KIF5C: variants seen among roughly 807,000 people sequenced by gnomAD.
KIF5C encodes the protein kinesin family member 5C.
In KIF5C, 18 loss-of-function variants were observed where a neutral mutation model predicts 125.2. That is an observed-to-expected ratio of 0.14 (90% CI 0.10 to 0.21). The LOEUF is 0.21. Ranked by LOEUF, KIF5C falls within the 10% of genes least tolerant of loss-of-function variation. KIF5C has a pLI of 1.00. For missense variants in KIF5C, 780 were observed against 1,183.8 expected, an observed-to-expected ratio of 0.66 and a Z score of 5.01; for synonymous variants, 405 against 434.0, an observed-to-expected ratio of 0.93 and a Z score of 0.83.
At chr2:148,995,429 C>T (rs967225740) in intron 17 of KIF5C, among the ~76,000 whole-genome samples, 2 of 152,150 alleles carry the variant, frequency 1.3e-5, no homozygotes, top group Non-Finnish European at 2.9e-5. Context: ...GGAAGTGCCT[C>T]GCACATAGGA....
chr2:148,906,566 T>TA (rs1180954739), intron 1 of KIF5C, among the ~76,000 whole-genome samples: 10 of 150,270 alleles, frequency 6.7e-5, no homozygotes, highest in South Asian at 2.1e-4. Flanking sequence ...AAAAATAAAA[T>TA]AAAATAAAAA....
At chr2:148,942,533 A>G in intron 6 of KIF5C, 140 bp from the exon 7 acceptor site, 2 of 1,402,752 alleles carry the variant, frequency 1.4e-6, no homozygotes, top group Admixed American at 4.3e-5. Flanking sequence ...CTGGGCAAGG[A>G]GGAAAAGTTG....
chr2:149,008,511 G>A (rs1682079388), intron 23 of KIF5C, among the ~76,000 whole-genome samples: 1 of 152,124 alleles, frequency 6.6e-6, no homozygotes, highest in South Asian at 2.1e-4. Context: ...TTGCACCGTG[G>A]GAGGACCGGG....
intron 1 of KIF5C, among the ~76,000 whole-genome samples, chr2:148,906,662 C>T (rs1366226868): frequency 2.7e-5 from 4 of 150,868 alleles, no homozygotes; most frequent in Non-Finnish European, 5.9e-5. Flanking sequence ...CTCAGGGGTT[C>T]GAGACCAGCC....
intron 13 of KIF5C, among the ~76,000 whole-genome samples, chr2:148,981,052 A>C (rs1681220333): frequency 1.3e-5 from 2 of 152,304 alleles, no homozygotes; most frequent in African/African-American, 4.8e-5. Context: ...AAATGCAGTG[A>C]TTTTTTGATG....
chr2:148,891,203 A>G (rs1163557126), intron 1 of KIF5C, among the ~76,000 whole-genome samples: 2 of 152,162 alleles, frequency 1.3e-5, no homozygotes, highest in African/African-American at 4.8e-5. Flanking sequence ...GTAGAAAACA[A>G]TCCTATAAAT....
At chr2:148,969,550 A>C (rs1038527213) in intron 11 of KIF5C, among the ~76,000 whole-genome samples, 1 of 151,938 alleles carries the variant, frequency 6.6e-6, no homozygotes, top group Non-Finnish European at 1.5e-5. Flanking sequence ...GGGCTAAACT[A>C]AGAGAAATCT....
rs1046349929 is a variant in KIF5C at position 148,942,113 on chromosome 2, T to C, written c.501+123T>C. On this transcript the variant is annotated intron_variant, in intron 6 of 25. Transcript: ENST00000435030. ...CATATAGGCATTTATTCAGGCTCCT[T>C]ATATTTAATATTCATCTGGTTTTAA... 5 of 1,043,182 alleles carry C rather than the reference T, an allele frequency of 4.8e-6. No homozygotes were observed. In the African/African-American group the frequency reaches 6.7e-5, roughly 14 times the overall value. 64.6% of individuals were successfully genotyped at this position (1,043,182 alleles called of 1,614,324 possible). A position where few individuals can be genotyped will look rare whatever the true frequency, so the allele number is the denominator to read the frequency against.
intron 1 of KIF5C, among the ~76,000 whole-genome samples, chr2:148,908,994 A>C (rs769811525): frequency 5.3e-5 from 8 of 152,216 alleles, no homozygotes; most frequent in African/African-American, 1.2e-4. Flanking sequence ...TATATTATAG[A>C]GCTTTAAAGT....
chr2:148,899,040 A>G (rs1484618868), intron 1 of KIF5C, among the ~76,000 whole-genome samples: 10 of 152,230 alleles, frequency 6.6e-5, no homozygotes, highest in Admixed American at 6.5e-4. Flanking sequence ...AAAATTTTAT[A>G]TGAAATGGAG....
intron 1 of KIF5C, among the ~76,000 whole-genome samples, chr2:148,909,987 C>T (rs551062599): frequency 1.3e-5 from 2 of 152,208 alleles, no homozygotes; most frequent in Non-Finnish European, 2.9e-5. Flanking sequence ...ATGGTAGTCT[C>T]TGCCTGGCAC....
intron 15 of KIF5C, among the ~76,000 whole-genome samples, chr2:148,990,590 A>G (rs1681498937): frequency 6.6e-6 from 1 of 152,242 alleles, no homozygotes; most frequent in African/African-American, 2.4e-5. Context: ...GAGAACATTA[A>G]TGAAGTTTTG....
chr2:148,963,758 T>C (rs1416820231), intron 11 of KIF5C, among the ~76,000 whole-genome samples: 1 of 152,182 alleles, frequency 6.6e-6, no homozygotes, highest in Non-Finnish European at 1.5e-5. Context: ...TTGGGGGTGC[T>C]GGCTTTAGAA....
chr2:148,976,245 T>TA (rs1681065145), intron 12 of KIF5C, among the ~76,000 whole-genome samples: 1 of 143,876 alleles, frequency 7.0e-6, no homozygotes, highest in Non-Finnish European at 1.5e-5. Flanking sequence ...TATTATTTTG[T>TA]TTTATTTATT....
At chr2:148,959,538 G>A (rs1174226855) in intron 10 of KIF5C, among the ~76,000 whole-genome samples, 1 of 152,102 alleles carries the variant, frequency 6.6e-6, no homozygotes, top group Non-Finnish European at 1.5e-5. Flanking sequence ...TACCTTTAGT[G>A]GATGTGAAGG....
chr2:148,949,813 T>C, intron 8 of KIF5C, 26 bp from the exon 9 acceptor site: 2 of 1,612,008 alleles, frequency 1.2e-6, no homozygotes, highest in Non-Finnish European at 8.5e-7. Context: ...CCTGTGCTGC[T>C]CACTGCTTTC....
At chr2:148,953,919 T>A (rs1397718423) in intron 10 of KIF5C, among the ~76,000 whole-genome samples, 2 of 152,180 alleles carry the variant, frequency 1.3e-5, no homozygotes, top group Non-Finnish European at 1.5e-5. Flanking sequence ...CTGGGATACA[T>A]GGGCAGAACA....
At chr2:148,984,100 G>A (rs575698602) in intron 15 of KIF5C, among the ~76,000 whole-genome samples, 18 of 152,350 alleles carry the variant, frequency 1.2e-4, no homozygotes, top group African/African-American at 4.3e-4. Context: ...TTAAGCAACA[G>A]TTCTAGTCTC....
intron 5 of KIF5C, 64 bp downstream of exon 5, chr2:148,941,722 G>T (rs1428765629): frequency 5.9e-6 from 9 of 1,533,050 alleles, no homozygotes; most frequent in Non-Finnish European, 7.0e-6. Flanking sequence ...GGTTGAAATG[G>T]TTTATCACAC....
Sources: gnomAD v4.1 joint callset for allele counts (sites outside exome capture counted in the v4.1 genomes callset) on GRCh38, gnomAD v4.1.1 for gene constraint, MANE v1.5 for transcripts, NCBI Gene and HGNC (gene_info 2026-07-23, HGNC 2026-07-21) for gene names.